Variants in KCNG3 observed in about 807,000 individuals in gnomAD.
KCNG3 encodes the protein potassium voltage-gated channel modifier subfamily G member 3.
In KCNG3, 15 loss-of-function variants were observed where a neutral mutation model predicts 29.0. That is an observed-to-expected ratio of 0.52 (90% CI 0.35 to 0.80). The LOEUF is 0.80. Among genes scored for constraint, KCNG3 ranks in the 30% least tolerant of loss-of-function variants. KCNG3 has a pLI of 0.01. For synonymous variants in KCNG3, 322 were observed against 248.9 expected (o/e 1.29, Z -2.76); for missense variants, 512 against 605.7 (o/e 0.85, Z 1.62).
At chr2:42,419,483 C>A in the KCNG3 span, among the ~76,000 whole-genome samples, 11 of 151,846 alleles carry the variant, frequency 7.2e-5, no homozygotes, top group Non-Finnish European at 1.2e-4. Context: ...CCCAGGTGAT[C>A]TCCCCGCCTC....
At chr2:42,427,777 T>C in the KCNG3 span, among the ~76,000 whole-genome samples, 2 of 152,188 alleles carry the variant, frequency 1.3e-5, no homozygotes, top group Admixed American at 1.3e-4. Context: ...AAAATCTACA[T>C]TCTGTTACCT....
At chr2:42,460,792 T>C (rs1447669337) in intron 1 of KCNG3, among the ~76,000 whole-genome samples, 2 of 152,126 alleles carry the variant, frequency 1.3e-5, no homozygotes, top group Non-Finnish European at 2.9e-5. Context: ...GAAAGGCAAG[T>C]GAAGAAAACA....
At chr2:42,399,677 G>T in the KCNG3 span, among the ~76,000 whole-genome samples, 1 of 151,962 alleles carries the variant, frequency 6.6e-6, no homozygotes, top group African/African-American at 2.4e-5. Context: ...AGACAGAAGA[G>T]AAATTTCTGA....
chr2:42,466,492 T>C (rs894443410), intron 1 of KCNG3, among the ~76,000 whole-genome samples: 2 of 152,208 alleles, frequency 1.3e-5, no homozygotes, highest in Admixed American at 6.5e-5. Flanking sequence ...ATTCAGTAGA[T>C]TCTGCATAAG....
chr2:42,488,494 C>T, intron 1 of KCNG3, among the ~76,000 whole-genome samples: 1 of 152,070 alleles, frequency 6.6e-6, no homozygotes, highest in East Asian at 1.9e-4. Context: ...CCCACCTCAG[C>T]CTCTGGAGTA....
At chr2:42,391,066 G>T in the KCNG3 span, among the ~76,000 whole-genome samples, 2 of 152,192 alleles carry the variant, frequency 1.3e-5, no homozygotes, top group African/African-American at 4.8e-5. Context: ...GAGCGCTGCT[G>T]TGACTATTTT....
chr2:42,489,866 A>C (rs1673828477), intron 1 of KCNG3, among the ~76,000 whole-genome samples: 1 of 152,134 alleles, frequency 6.6e-6, no homozygotes, highest in African/African-American at 2.4e-5. Context: ...GGTATTTTCC[A>C]GAGTTGTCAT....
the KCNG3 span, among the ~76,000 whole-genome samples, chr2:42,410,333 T>TG: frequency 2.6e-4 from 39 of 152,244 alleles, no homozygotes; most frequent in Non-Finnish European, 5.1e-4. Context: ...GAAGTGGTAC[T>TG]GCTTGATCAA....
At chr2:42,417,589 T>G in the KCNG3 span, among the ~76,000 whole-genome samples, 2 of 152,196 alleles carry the variant, frequency 1.3e-5, no homozygotes, top group Non-Finnish European at 2.9e-5. Context: ...CCTAAAGTGC[T>G]GGGACTACAG....
the KCNG3 span, among the ~76,000 whole-genome samples, chr2:42,428,456 CGG>C: frequency 3.4e-5 from 2 of 59,026 alleles, no homozygotes; most frequent in East Asian, 1.0e-3. Context: ...GACCCGGTCT[CGG>C]GAAAAAAAAA....
intron 1 of KCNG3, chr2:42,469,779 G>A (rs1285974695): frequency 5.8e-6 from 1 of 172,888 alleles, no homozygotes; most frequent in African/African-American, 2.4e-5. Flanking sequence ...CTGTTAAAAT[G>A]TACAGCTTCT....
At chr2:42,388,898 T>C in the KCNG3 span, among the ~76,000 whole-genome samples, 1 of 152,102 alleles carries the variant, frequency 6.6e-6, no homozygotes, top group South Asian at 2.1e-4. Flanking sequence ...TCATACTATG[T>C]AGATTACTTT....
At chr2:42,464,303 G>A (rs1006290055) in intron 1 of KCNG3, among the ~76,000 whole-genome samples, 3 of 152,154 alleles carry the variant, frequency 2.0e-5, no homozygotes, top group African/African-American at 7.2e-5. Flanking sequence ...CTGGCCTCAA[G>A]TGATCCACCT....
chr2:42,436,958 G>A, the KCNG3 span, among the ~76,000 whole-genome samples: 12 of 152,176 alleles, frequency 7.9e-5, no homozygotes, highest in African/African-American at 2.2e-4. Flanking sequence ...TTTAGGGGAT[G>A]ATAGGTAACA....
intron 1 of KCNG3, among the ~76,000 whole-genome samples, chr2:42,478,642 C>G (rs1303581387): frequency 6.6e-6 from 1 of 152,080 alleles, no homozygotes; most frequent in Non-Finnish European, 1.5e-5. Flanking sequence ...ACCTCAGAAG[C>G]CCTTCTGGGA....
the KCNG3 span, among the ~76,000 whole-genome samples, chr2:42,428,459 G>GAAAA: frequency 2.4e-5 from 3 of 123,682 alleles, no homozygotes; most frequent in Admixed American, 9.6e-5. Context: ...CCGGTCTCGG[G>GAAAA]AAAAAAAAAA....
the KCNG3 span, among the ~76,000 whole-genome samples, chr2:42,427,165 A>G: frequency 1.3e-5 from 2 of 152,208 alleles, no homozygotes; most frequent in African/African-American, 2.4e-5. Context: ...ACTTCGATGT[A>G]TTTTCTGAAA....
At chr2:42,394,075 C>T in the KCNG3 span, among the ~76,000 whole-genome samples, 1 of 152,166 alleles carries the variant, frequency 6.6e-6, no homozygotes, top group Non-Finnish European at 1.5e-5. Flanking sequence ...GCCACTATGC[C>T]AGGCCATAAA....
At chr2:42,419,143 T>C in the KCNG3 span, among the ~76,000 whole-genome samples, 1 of 150,668 alleles carries the variant, frequency 6.6e-6, no homozygotes, top group African/African-American at 2.4e-5. Flanking sequence ...GACCGTGTAA[T>C]GTTCCTGACA....
Sources: allele counts gnomAD v4.1 joint callset (sites outside exome capture counted in the v4.1 genomes callset), GRCh38; gene constraint gnomAD v4.1.1; transcripts MANE v1.5; gene names NCBI Gene and HGNC (gene_info 2026-07-23, HGNC 2026-07-21).